The following CBFA2T2 variants were observed in gnomAD, a reference collection of about 807,000 sequenced individuals.
CBFA2T2 encodes the protein CBFA2/RUNX1 partner transcriptional co-repressor 2.
Under a neutral mutation model 62.2 loss-of-function variants are expected in CBFA2T2, and 11 were observed. That is an observed-to-expected ratio of 0.18 (90% confidence interval 0.11 to 0.29). The LOEUF is 0.29. Among genes scored for constraint, CBFA2T2 ranks in the 10% least tolerant of loss-of-function variants. The probability of loss-of-function intolerance (pLI) is 1.00; values close to 1 mark genes in which losing one functional copy is unlikely to be tolerated. For synonymous variants in CBFA2T2, 295 were observed against 287.5 expected (o/e 1.03, Z -0.27); for missense variants, 592 against 774.1 (o/e 0.76, Z 2.79).
In CBFA2T2 at chr20:33,490,204, C is replaced by T; in HGVS notation, c.-64C>T. 1.7e-6 allele frequency: 2 copies of T among 1,210,112 alleles called. No individual in the cohort carries two copies. The highest frequency in any genetic ancestry group is 2.1e-6 in the Non-Finnish European group (2 of 974,084). The allele number at this position is 1,210,112 out of a possible 1,614,324, so 75.0% of individuals were successfully genotyped here. On this transcript the variant is annotated 5_prime_UTR_variant, in exon 1 of 11. Transcript: ENST00000342704. ...GACCCGGGCCGCGGGTCGAGGCGGG[C>T]GGCGCCTGCGAGGGACCCGTGTCGC...
intron 1 of CBFA2T2, among the ~76,000 whole-genome samples, chr20:33,578,714 A>G (rs1011036246): frequency 1.4e-4 from 21 of 152,234 alleles, no homozygotes; most frequent in African/African-American, 4.8e-4. Context: ...TTACTTTGGC[A>G]TAAGGCCCAC....
rs142495555 is a variant in CBFA2T2 at position 33,587,177 on chromosome 20, C to T, written c.35-19779C>T. Among the ~76,000 whole-genome samples the T allele has an allele frequency of 4.6e-3, 704 of 152,320 alleles. 2 individuals are homozygous for T. Among genetic ancestry groups the T allele is most frequent in the Non-Finnish European group, 7.2e-3 (490 of 68,034 alleles). On this transcript the variant is annotated intron_variant, in intron 1 of 10. Coordinates refer to ENST00000342704, the MANE Select transcript of CBFA2T2 (RefSeq NM_001032999.3). ...CAGGCTGTTCTCAAACTCCTGAGCT[C>T]AGGCAATCCTCCTGCCTTGGCCTCC...
At chr20:33,610,008 C>T (rs1417993478) in intron 2 of CBFA2T2, among the ~76,000 whole-genome samples, 1 of 152,136 alleles carries the variant, frequency 6.6e-6, no homozygotes, top group African/African-American at 2.4e-5. Flanking sequence ...CAGTGCCAGG[C>T]ACGGTGGCTC....
chr20:33,526,302 A>G (rs2011884227), intron 1 of CBFA2T2, among the ~76,000 whole-genome samples: 1 of 152,224 alleles, frequency 6.6e-6, no homozygotes, highest in Non-Finnish European at 1.5e-5. Flanking sequence ...GGTGTCTTTC[A>G]TCAGAAACAC....
intron 1 of CBFA2T2, among the ~76,000 whole-genome samples, chr20:33,593,988 A>G (rs997781644): frequency 6.6e-6 from 1 of 152,218 alleles, no homozygotes; most frequent in Non-Finnish European, 1.5e-5. Flanking sequence ...GGAAGCCATT[A>G]GAAGAGTTCA....
At chr20:33,633,382 AAAT>A (rs1189971380) in intron 8 of CBFA2T2, among the ~76,000 whole-genome samples, 8,195 of 44,742 alleles carry the variant, frequency 0.18, 535 homozygotes, top group African/African-American at 0.5. Context: ...AAAAAAAAAT[AAAT>A]AAATAAATAA....
chr20:33,597,670 C>T (rs2014948990), intron 1 of CBFA2T2, among the ~76,000 whole-genome samples: 1 of 152,150 alleles, frequency 6.6e-6, no homozygotes, highest in Non-Finnish European at 1.5e-5. Flanking sequence ...TGAAACCACT[C>T]CCTACCCCAC....
intron 4 of CBFA2T2, among the ~76,000 whole-genome samples, chr20:33,620,616 GATTACCTGAGGTCAGGA>G (rs1204452694): frequency 1.3e-5 from 2 of 152,214 alleles, no homozygotes; most frequent in Non-Finnish European, 1.5e-5. Context: ...GAGGCAGGCA[GATTACCTGAGGTCAGGA>G]GTTAGAGACC....
chr20:33,644,796 C>T lies in CBFA2T2; in HGVS notation c.*150C>T. On this transcript the variant is annotated 3_prime_UTR_variant, in exon 11 of 11. Transcript: ENST00000342704. Reference sequence around the variant, plus strand: ...AGAGTCCAAGCCTGAATAATAACACCCCACAGCCTCTCTGTGCACTTGCTG... The same window carrying T: ...AGAGTCCAAGCCTGAATAATAACACTCCACAGCCTCTCTGTGCACTTGCTG... The T allele has an allele frequency of 1.3e-6, 1 of 779,938 alleles. No homozygotes were observed. Among genetic ancestry groups the T allele is most frequent in the Non-Finnish European group, 2.0e-6 (1 of 498,244 alleles). 48.3% of individuals were successfully genotyped at this position (779,938 alleles called of 1,614,324 possible). A position where few individuals can be genotyped will look rare whatever the true frequency, so the allele number is the denominator to read the frequency against.
chr20:33,601,108 C>A (rs1335031048), intron 1 of CBFA2T2, among the ~76,000 whole-genome samples: 1 of 152,012 alleles, frequency 6.6e-6, no homozygotes, highest in Non-Finnish European at 1.5e-5. Context: ...GTCAGAACTT[C>A]ATGGCCTAAA....
intron 1 of CBFA2T2, among the ~76,000 whole-genome samples, chr20:33,564,628 G>A (rs2013222886): frequency 6.6e-6 from 1 of 151,880 alleles, no homozygotes; most frequent in South Asian, 2.1e-4. Flanking sequence ...GATCAGGCTA[G>A]CATGCAGAAG....
chr20:33,582,444 C>T (rs1192807639), intron 1 of CBFA2T2, among the ~76,000 whole-genome samples: 2 of 151,504 alleles, frequency 1.3e-5, no homozygotes, highest in Non-Finnish European at 2.9e-5. Context: ...GCCGAGACCA[C>T]GCCATTGCAC....
chr20:33,588,683 A>G (rs1231607176), intron 1 of CBFA2T2, among the ~76,000 whole-genome samples: 2 of 152,288 alleles, frequency 1.3e-5, no homozygotes, highest in South Asian at 2.1e-4. Context: ...ATGGTGGCTC[A>G]CGCCTGTAAT....
chr20:33,568,449 G>A (rs2013426944), intron 1 of CBFA2T2, among the ~76,000 whole-genome samples: 1 of 152,154 alleles, frequency 6.6e-6, no homozygotes, highest in African/African-American at 2.4e-5. Flanking sequence ...CAAACCTGTT[G>A]CTGTGTGGCA....
At chr20:33,611,036 A>G in intron 2 of CBFA2T2, 58 bp from the exon 3 acceptor site, 1 of 1,595,404 alleles carries the variant, frequency 6.3e-7, no homozygotes, top group South Asian at 1.1e-5. Context: ...AGAAAAAATG[A>G]ACAAAGGTTC....
intron 1 of CBFA2T2, among the ~76,000 whole-genome samples, chr20:33,581,033 C>T (rs769265648): frequency 2.6e-5 from 4 of 151,874 alleles, no homozygotes; most frequent in Non-Finnish European, 5.9e-5. Flanking sequence ...CCTCCCCGTC[C>T]TGTCCATCCA....
At chr20:33,508,273 T>C (rs2011438164) in intron 1 of CBFA2T2, among the ~76,000 whole-genome samples, 1 of 152,056 alleles carries the variant, frequency 6.6e-6, no homozygotes, top group Non-Finnish European at 1.5e-5. Context: ...TTTTGTGTTT[T>C]TGGTAGAGAT....
At chr20:33,631,585 G>T (rs1332803250) in intron 8 of CBFA2T2, among the ~76,000 whole-genome samples, 3 of 152,126 alleles carry the variant, frequency 2.0e-5, no homozygotes, top group African/African-American at 7.2e-5. Context: ...GGTCTTGCTG[G>T]AGTCATTTAA....
chr20:33,611,117 C>A lies in CBFA2T2; in HGVS notation c.202C>A (p.Pro68Thr). Residue 68 changes from proline to threonine, a missense_variant, in exon 3 of 11, where the codon CCT (proline) becomes ACT (threonine). Physicochemically the swap from Pro to Thr is conservative, Grantham distance 38. Coordinates refer to ENST00000342704, the MANE Select transcript of CBFA2T2 (RefSeq NM_001032999.3). ...AGTAAGCAATGGCATCAACCATTCT[C>A]CTCCTACCCTGAATGGTGCCCCATC... Reference protein sequence around the residue: ...TALSNGINHSPPTLNGAPSPP... With the variant: ...TALSNGINHSTPTLNGAPSPP... 6.2e-7 allele frequency: 1 copy of A among 1,614,158 alleles called. No individual in the cohort carries two copies. The highest frequency in any genetic ancestry group is 8.5e-7 in the Non-Finnish European group (1 of 1,179,980).
Sources: gnomAD v4.1 joint callset for allele counts (sites outside exome capture counted in the v4.1 genomes callset) on GRCh38, gnomAD v4.1.1 for gene constraint, MANE v1.5 for transcripts, NCBI Gene and HGNC (gene_info 2026-07-23, HGNC 2026-07-21) for gene names.